Variants in BPIFB2 observed in about 807,000 individuals in gnomAD.
The protein encoded by BPIFB2 is BPI fold containing family B member 2.
BPIFB2 carries 39 observed loss-of-function variants against 50.1 expected under a neutral mutation model. The ratio of observed to expected loss-of-function variants is 0.78; its 90% CI spans 0.60 to 1.02. The LOEUF (loss-of-function observed/expected upper bound fraction) is 1.02. Among genes scored for constraint, BPIFB2 ranks in the 50% least tolerant of loss-of-function variants. BPIFB2 has a pLI of 0.00. For synonymous variants in BPIFB2, 280 were observed against 256.3 expected, an observed-to-expected ratio of 1.09 and a Z score of -0.88; for missense variants, 574 against 585.8, an observed-to-expected ratio of 0.98 and a Z score of 0.21.
Position 33,008,689 on chromosome 20 carries a change from C to A in BPIFB2, c.109+6C>A. 1.3e-6 allele frequency: 2 copies of A among 1,589,912 alleles called. No homozygotes were observed. Among genetic ancestry groups the A allele is most frequent in the Non-Finnish European group, 8.6e-7 (1 of 1,166,836 alleles). ...CAAGGCAGCATTGAGCTACGGTAAG[C>A]GGTGTGTTACCCAGTGAGTGTCTGT... is the stretch of plus-strand genomic sequence containing the variant. On this transcript the variant is annotated splice_donor_region_variant and intron_variant, in intron 2 of 15. Coordinates refer to ENST00000170150, the MANE Select transcript of BPIFB2 (RefSeq NM_025227.3).
intron 5 of BPIFB2, among the ~76,000 whole-genome samples, chr20:33,015,110 T>A (rs1395917930): frequency 6.6e-6 from 1 of 152,166 alleles, no homozygotes; most frequent in Non-Finnish European, 1.5e-5. Context: ...TAACCCAACC[T>A]TTACTGGGCT....
chr20:33,013,255 C>T (rs1219562101), intron 4 of BPIFB2, among the ~76,000 whole-genome samples: 2 of 152,160 alleles, frequency 1.3e-5, no homozygotes, highest in East Asian at 3.9e-4. Flanking sequence ...CAGGGCAAGG[C>T]ACATGAGAGA....
In BPIFB2 at chr20:33,015,445, CGCGCTGCTGGTCCTG is replaced by C; in HGVS notation, c.467_481del (p.Ala156_Leu160del). On this transcript the variant is annotated inframe_deletion, in exon 6 of 16. Transcript: ENST00000170150. ...TGTGTTTCTCCCTCAGCACCTCCCA[CGCGCTGCTGGTCCTG>C]GTGCAGAAGCACATTAAAGCTGTCT... 1 of 1,613,320 alleles carries C rather than the reference CGCGCTGCTGGTCCTG, an allele frequency of 6.2e-7. No individual in the cohort carries two copies. The highest frequency in any genetic ancestry group is 8.5e-7 in the Non-Finnish European group (1 of 1,179,668).
At chr20:33,020,236 C>T in intron 11 of BPIFB2, 92 bp from the exon 12 acceptor site, 1 of 1,273,224 alleles carries the variant, frequency 7.9e-7, no homozygotes. Context: ...CACCTGCTGC[C>T]TGAATGAGTC....
chr20:33,013,807 C>CA lies in BPIFB2; in HGVS notation c.309-2dup. ...CTCGGGCTCAGGACTGGCATCCCTA[C>CA]AGCGCCCCAGAGCCCCTGGAGCTGA... On this transcript the variant is annotated splice_polypyrimidine_tract_variant and splice_region_variant and intron_variant, in intron 4 of 15. Coordinates refer to ENST00000170150, the MANE Select transcript of BPIFB2 (RefSeq NM_025227.3). 6.2e-7 allele frequency: 1 copy of CA among 1,612,402 alleles called. No homozygotes were observed. Among genetic ancestry groups the CA allele is most frequent in the Non-Finnish European group, 8.5e-7 (1 of 1,179,586 alleles).
intron 4 of BPIFB2, among the ~76,000 whole-genome samples, chr20:33,013,320 T>C (rs1990314322): frequency 1.3e-5 from 2 of 152,190 alleles, no homozygotes; most frequent in African/African-American, 4.8e-5. Context: ...ATCTTGTATG[T>C]TACTGCATTT....
At chr20:33,017,306 A>G (rs561718695) in intron 7 of BPIFB2, among the ~76,000 whole-genome samples, 5 of 152,376 alleles carry the variant, frequency 3.3e-5, no homozygotes, top group South Asian at 2.1e-4. Flanking sequence ...CAAGTCTTTG[A>G]TTCTAGAATC....
chr20:33,013,974 G>GTAA lies in BPIFB2; in HGVS notation c.455+18_455+19insTAA. 1.2e-6 allele frequency: 2 copies of GTAA among 1,607,012 alleles called. No homozygotes were observed. The highest frequency in any genetic ancestry group is 1.7e-6 in the Non-Finnish European group (2 of 1,174,800). ...AGTAACAGGTGGGTGCCTGGTGAGG[G>GTAA]CAGGGTCACAGGAATCCCAGATGCC... On this transcript the variant is annotated intron_variant, in intron 5 of 15. Coordinates refer to ENST00000170150, the MANE Select transcript of BPIFB2 (RefSeq NM_025227.3).
At chr20:33,016,820 A>G (rs944506500) in intron 6 of BPIFB2, among the ~76,000 whole-genome samples, 1 of 152,192 alleles carries the variant, frequency 6.6e-6, no homozygotes, top group East Asian at 1.9e-4. Context: ...CTGGGGACCT[A>G]TGCTCACACT....
chr20:33,009,373 G>A lies in BPIFB2; in HGVS notation c.109+690G>A, dbSNP rs1990257024. Among the ~76,000 whole-genome samples the A allele has an allele frequency of 1.3e-5, 2 of 152,132 alleles. No homozygotes were observed. The highest frequency in any genetic ancestry group is 1.5e-5 in the Non-Finnish European group (1 of 68,018). ...GACAGACATTGCCAAGGTCCAGGAC[G>A]CCAGCACAAACATGTTTATTCACCT... On this transcript the variant is annotated intron_variant, in intron 2 of 15. Coordinates refer to ENST00000170150, the MANE Select transcript of BPIFB2 (RefSeq NM_025227.3). The surrounding 1 kb of genome is among the most constrained non-coding windows in gnomAD (Gnocchi z 4.2).
intron 4 of BPIFB2, 35 bp from the exon 5 acceptor site, chr20:33,013,775 G>T: frequency 6.3e-7 from 1 of 1,599,968 alleles, no homozygotes; most frequent in South Asian, 1.1e-5. Flanking sequence ...TCTGCTGGGC[G>T]GTGCTGCTCG....
chr20:33,023,384 G>A lies in BPIFB2; in HGVS notation c.*1G>A. The A allele has an allele frequency of 6.2e-7, 1 of 1,613,948 alleles. No individual in the cohort carries two copies. The highest frequency in any genetic ancestry group is 8.5e-7 in the Non-Finnish European group (1 of 1,179,870). ...CAGTGGACTCTTCTACCAGAGCTGAGGCAAGACCACTGGGAGGCCTGAGAG... is the reference window on the plus strand; with the variant it reads ...CAGTGGACTCTTCTACCAGAGCTGAAGCAAGACCACTGGGAGGCCTGAGAG... On this transcript the variant is annotated 3_prime_UTR_variant, in exon 16 of 16. Coordinates refer to ENST00000170150, the MANE Select transcript of BPIFB2 (RefSeq NM_025227.3).
At position 33,018,828 on chromosome 20, in the gene BPIFB2, G is replaced by A; in HGVS notation, c.855+6G>A. The A allele has an allele frequency of 6.2e-7, 1 of 1,608,312 alleles. No individual in the cohort carries two copies. The highest frequency in any genetic ancestry group is 8.5e-7 in the Non-Finnish European group (1 of 1,177,448). On this transcript the variant is annotated splice_donor_region_variant and intron_variant, in intron 9 of 15. Transcript: ENST00000170150. ...TGGACATCACAGGGCAGCTGGTGAG[G>A]GCCCGACCTGCAGCCCAGGGCCTGT...
chr20:33,018,210 A>G (rs1978503915), intron 7 of BPIFB2, 49 bp from the exon 8 acceptor site: 1 of 1,348,708 alleles, frequency 7.4e-7, no homozygotes, highest in African/African-American at 1.5e-5. Context: ...AACGTTGGTG[A>G]GCAGTGCTAA....
chr20:33,010,312 GA>G (rs1258359346), intron 2 of BPIFB2, among the ~76,000 whole-genome samples: 3 of 152,168 alleles, frequency 2.0e-5, no homozygotes, highest in African/African-American at 4.8e-5. Flanking sequence ...ACGATAACAG[GA>G]AAAGTAAAGC....
rs1049421056 is a variant in BPIFB2, at chr20:33,019,703, G to A, written c.1033G>A (p.Ala345Thr). 1.2e-6 allele frequency: 2 copies of A among 1,611,638 alleles called. No homozygotes were observed. Among genetic ancestry groups the A allele is most frequent in the Admixed American group, 1.7e-5 (1 of 59,890 alleles). Residue 345 changes from alanine (A) to threonine (T), a missense_variant, in exon 11 of 16, where the codon GCC (alanine) becomes ACC (threonine). By Grantham distance (58) the Ala-to-Thr change is moderately conservative (BLOSUM62 0). Transcript: ENST00000170150. ...LRLQPFVEVL[A>T]TASNSAFQSL... The stretch of plus-strand genomic sequence containing the variant: ...GCTGCAGCCCTTCGTGGAGGTCCTG[G>A]CCACAGCCTCCAACTCGGCTTTCCA...
rs1316746527 is a variant in BPIFB2, at chr20:33,013,692, G to A, written c.309-118G>A. On this transcript the variant is annotated intron_variant, in intron 4 of 15. Transcript: ENST00000170150. ...GGGCCATCTCACTCTGGGAGTGGGG[G>A]GCCTGCCTGGGCCAAGTGGAGGGCA... 3.4e-5 allele frequency: 48 copies of A among 1,405,130 alleles called. No homozygotes were observed. In the Admixed American group the frequency reaches 9.0e-4, roughly 26 times the overall value. The allele number at this position is 1,405,130 out of a possible 1,614,324, so 87.0% of individuals were successfully genotyped here. A position where few individuals can be genotyped will look rare whatever the true frequency, so the allele number is the denominator to read the frequency against.
chr20:33,012,807 C>A lies in BPIFB2; in HGVS notation c.208C>A (p.Arg70=), dbSNP rs770078142. The A allele has an allele frequency of 6.2e-7, 1 of 1,612,788 alleles. No individual in the cohort carries two copies. Among genetic ancestry groups the A allele is most frequent in the African/African-American group, 1.3e-5 (1 of 74,868 alleles). ...SGEALQPTRI[R]ILNVHVPRLH... ...ACCTTGATTACTACCCTGCAGGATC[C>A]GGATTCTGAATGTCCATGTGCCCCG... The change falls in exon 4 of 16, where the codon CGG becomes AGG. Residue 70 remains arginine (R), a synonymous_variant. Coordinates refer to ENST00000170150, the MANE Select transcript of BPIFB2 (RefSeq NM_025227.3).
Position 33,009,340 on chromosome 20 carries a change from C to T in BPIFB2, c.109+657C>T, listed in dbSNP as rs1990256568. Among the ~76,000 whole-genome samples the T allele has an allele frequency of 6.6e-6, 1 of 152,154 alleles. No individual in the cohort carries two copies. The highest frequency in any genetic ancestry group is 2.1e-4 in the South Asian group (1 of 4,832). Reference sequence around the variant, plus strand: ...AGGGCACAATGAAGAAACTTAGCCCCAGGGAGGGACAGACATTGCCAAGGT... The same window carrying T: ...AGGGCACAATGAAGAAACTTAGCCCTAGGGAGGGACAGACATTGCCAAGGT... On this transcript the variant is annotated intron_variant, in intron 2 of 15. Transcript: ENST00000170150. The surrounding 1 kb of genome is among the most constrained non-coding windows in gnomAD (Gnocchi z 4.2).
Sources: gnomAD v4.1 joint callset for allele counts (sites outside exome capture counted in the v4.1 genomes callset) on GRCh38, gnomAD v4.1.1 for gene constraint, Gnocchi (gnomAD v3.1) non-coding constraint, MANE v1.5 for transcripts, NCBI Gene and HGNC (gene_info 2026-07-23, HGNC 2026-07-21) for gene names.